ARHGAP15: variants seen among roughly 807,000 people sequenced by gnomAD.
The protein encoded by ARHGAP15 is rho GTPase-activating protein 15.
A neutral mutation model predicts 63.7 loss-of-function variants in ARHGAP15; 51 were observed. The ratio of observed to expected loss-of-function variants is 0.80; its 90% CI spans 0.64 to 1.01. The LOEUF is 1.01. Among genes scored for constraint, ARHGAP15 ranks in the 50% least tolerant of loss-of-function variants. The pLI, the probability that ARHGAP15 is intolerant of heterozygous loss-of-function variation, is 0.00. For synonymous variants in ARHGAP15, 191 were observed against 193.8 expected (o/e 0.99, Z 0.12); for missense variants, 560 against 564.6 (o/e 0.99, Z 0.08).
intron 1 of ARHGAP15, among the ~76,000 whole-genome samples, chr2:143,142,980 C>A (rs1003505948): frequency 6.6e-6 from 1 of 152,084 alleles, no homozygotes; most frequent in African/African-American, 2.4e-5. Flanking sequence ...GCATTTTTTA[C>A]TTTAATGTGT....
chr2:143,599,221 T>G (rs1326814331), intron 11 of ARHGAP15, among the ~76,000 whole-genome samples: 1 of 152,182 alleles, frequency 6.6e-6, no homozygotes, highest in East Asian at 1.9e-4. Flanking sequence ...AAATGCTATA[T>G]ACCTAGATGC....
intron 6 of ARHGAP15, among the ~76,000 whole-genome samples, chr2:143,397,129 G>A (rs538713869): frequency 1.3e-5 from 2 of 152,076 alleles, no homozygotes; most frequent in African/African-American, 2.4e-5. Context: ...ATGTACAGAT[G>A]GAAGTAGATC....
At chr2:143,241,717 C>T (rs1480653952) in intron 5 of ARHGAP15, among the ~76,000 whole-genome samples, 1 of 152,196 alleles carries the variant, frequency 6.6e-6, no homozygotes, top group Non-Finnish European at 1.5e-5. Flanking sequence ...GAACGATTCA[C>T]CTCTGCCACA....
chr2:143,388,089 G>A (rs1429527809), intron 6 of ARHGAP15, among the ~76,000 whole-genome samples: 2 of 151,974 alleles, frequency 1.3e-5, no homozygotes, highest in Non-Finnish European at 2.9e-5. Flanking sequence ...CCACTTTTTG[G>A]TATGCCTATG....
intron 9 of ARHGAP15, among the ~76,000 whole-genome samples, chr2:143,508,455 ACT>A: frequency 1.3e-5 from 2 of 152,234 alleles, no homozygotes; most frequent in Middle Eastern, 6.8e-3. Context: ...TTACATATAG[ACT>A]CTGTGAAGAC....
chr2:143,466,172 G>C (rs922746375), intron 8 of ARHGAP15, among the ~76,000 whole-genome samples: 6 of 151,824 alleles, frequency 4.0e-5, no homozygotes, highest in African/African-American at 1.2e-4. Context: ...GTTTTATTTT[G>C]ATTGGCTATT....
At chr2:143,479,957 G>A (rs752214843) in intron 8 of ARHGAP15, among the ~76,000 whole-genome samples, 1 of 151,974 alleles carries the variant, frequency 6.6e-6, no homozygotes, top group Non-Finnish European at 1.5e-5. Context: ...CATTGTGATG[G>A]TATACTTAAT....
At chr2:143,312,511 G>A (rs1443691269) in intron 6 of ARHGAP15, among the ~76,000 whole-genome samples, 1 of 152,022 alleles carries the variant, frequency 6.6e-6, no homozygotes, top group Non-Finnish European at 1.5e-5. Flanking sequence ...AAATGTAGAA[G>A]TTATTTTTGC....
intron 12 of ARHGAP15, among the ~76,000 whole-genome samples, chr2:143,683,971 G>A (rs1052207747): frequency 2.0e-5 from 3 of 151,976 alleles, no homozygotes; most frequent in African/African-American, 7.2e-5. Context: ...AATTTCTGAA[G>A]ACAAAAAACT....
At chr2:143,702,176 T>TAA (rs1684119962) in intron 12 of ARHGAP15, among the ~76,000 whole-genome samples, 1 of 152,210 alleles carries the variant, frequency 6.6e-6, no homozygotes, top group South Asian at 2.1e-4. Flanking sequence ...TGCTAGAAGT[T>TAA]AAAGTATAGA....
intron 9 of ARHGAP15, among the ~76,000 whole-genome samples, chr2:143,508,562 G>T (rs929361059): frequency 1.3e-5 from 2 of 152,136 alleles, no homozygotes; most frequent in Non-Finnish European, 1.5e-5. Flanking sequence ...ATGCATAAAG[G>T]ATTTACTTGG....
At chr2:143,379,487 A>ATATATGTGTGTGTGTGTGTG (rs1202571594) in intron 6 of ARHGAP15, among the ~76,000 whole-genome samples, 1 of 129,764 alleles carries the variant, frequency 7.7e-6, no homozygotes, top group African/African-American at 2.9e-5. Flanking sequence ...AGGCATATAT[A>ATATATGTGTGTGTGTGTGTG]TGTGTGTGTG....
At chr2:143,302,301 G>T (rs142117031) in intron 6 of ARHGAP15, among the ~76,000 whole-genome samples, 76 of 151,900 alleles carry the variant, frequency 5.0e-4, no homozygotes, top group African/African-American at 1.8e-3. Flanking sequence ...GTCCCTATAA[G>T]ACTGTTAAAG....
intron 11 of ARHGAP15, among the ~76,000 whole-genome samples, chr2:143,557,978 C>T (rs1695877326): frequency 6.6e-6 from 1 of 151,986 alleles, no homozygotes; most frequent in South Asian, 2.1e-4. Context: ...TCAGGAAAAA[C>T]AGTAGGGGGA....
At chr2:143,443,297 T>C (rs558241371) in intron 8 of ARHGAP15, among the ~76,000 whole-genome samples, 3 of 152,218 alleles carry the variant, frequency 2.0e-5, no homozygotes, top group African/African-American at 4.8e-5. Context: ...AGATAAACCA[T>C]ATCTAGTTCT....
chr2:143,759,920 T>A (rs1349580045), intron 13 of ARHGAP15, among the ~76,000 whole-genome samples: 1 of 152,210 alleles, frequency 6.6e-6, no homozygotes, highest in Non-Finnish European at 1.5e-5. Context: ...TCAGGGTTTT[T>A]TTAAAGTTCC....
At chr2:143,331,365 G>C (rs998620591) in intron 6 of ARHGAP15, among the ~76,000 whole-genome samples, 1 of 151,962 alleles carries the variant, frequency 6.6e-6, no homozygotes, top group African/African-American at 2.4e-5. Context: ...GTGTACCATA[G>C]ACCTATATAA....
chr2:143,616,815 A>G (rs1359307294), intron 11 of ARHGAP15, among the ~76,000 whole-genome samples: 1 of 152,344 alleles, frequency 6.6e-6, no homozygotes, highest in Non-Finnish European at 1.5e-5. Flanking sequence ...TTGATTTTGC[A>G]TACAAGTTTT....
chr2:143,242,311 C>T (rs1693894529), intron 5 of ARHGAP15, among the ~76,000 whole-genome samples: 1 of 152,350 alleles, frequency 6.6e-6, no homozygotes, highest in East Asian at 1.9e-4. Context: ...TCTGCAGGGA[C>T]AGCTGAGGTT....
Sources: gnomAD v4.1 joint callset for allele counts (sites outside exome capture counted in the v4.1 genomes callset) on GRCh38, gnomAD v4.1.1 for gene constraint, MANE v1.5 for transcripts, NCBI Gene and HGNC (gene_info 2026-07-23, HGNC 2026-07-21) for gene names.